The following MOB3B variants were observed in gnomAD, a reference collection of about 807,000 sequenced individuals.
MOB3B encodes the protein MOB kinase activator-like 2B.
Under a neutral mutation model 18.7 loss-of-function variants are expected in MOB3B, and 7 were observed. The ratio of observed to expected loss-of-function variants is 0.37; its 90% confidence interval spans 0.21 to 0.70. MOB3B has a LOEUF of 0.70. Ranked by LOEUF, MOB3B falls within the 30% of genes least tolerant of loss-of-function variation. The pLI, the probability that MOB3B is intolerant of heterozygous loss-of-function variation, is 0.52. For missense variants in MOB3B, 253 were observed against 281.3 expected, an observed-to-expected ratio of 0.90 and a Z score of 0.72; for synonymous variants, 111 against 99.9, an observed-to-expected ratio of 1.11 and a Z score of -0.66.
At chr9:27,468,251 T>G (rs1199030126) in intron 1 of MOB3B, among the ~76,000 whole-genome samples, 3 of 151,566 alleles carry the variant, frequency 2.0e-5, no homozygotes, top group Non-Finnish European at 4.4e-5. Context: ...CAGAACAGAG[T>G]CCCCCATCAT....
At chr9:27,360,943 A>C (rs35997490) in intron 2 of MOB3B, among the ~76,000 whole-genome samples, 1,767 of 152,226 alleles carry the variant, frequency 0.012, 41 homozygotes, top group East Asian at 0.11. Context: ...GGGCAGCCAC[A>C]TGCAGAGTTT....
chr9:27,517,908 T>A (rs925254752), intron 1 of MOB3B, among the ~76,000 whole-genome samples: 2 of 152,114 alleles, frequency 1.3e-5, no homozygotes, highest in Non-Finnish European at 2.9e-5. Flanking sequence ...CATTCCAAGC[T>A]TCTTCTCAGG....
chr9:27,442,193 T>G (rs1253720270), intron 2 of MOB3B, among the ~76,000 whole-genome samples: 1 of 152,224 alleles, frequency 6.6e-6, no homozygotes. Context: ...TTGTTAGCTG[T>G]TGCTAGATAT....
chr9:27,376,232 C>T (rs766257882), intron 2 of MOB3B, among the ~76,000 whole-genome samples: 1 of 152,210 alleles, frequency 6.6e-6, no homozygotes, highest in Non-Finnish European at 1.5e-5. Context: ...TACTTAGATG[C>T]CTCTTCTTGT....
At chr9:27,475,629 G>T (rs1819542290) in intron 1 of MOB3B, among the ~76,000 whole-genome samples, 1 of 152,162 alleles carries the variant, frequency 6.6e-6, no homozygotes, top group Non-Finnish European at 1.5e-5. Flanking sequence ...AAAGCAAATT[G>T]CAAAACAACA....
At chr9:27,492,805 G>A (rs1165662321) in intron 1 of MOB3B, among the ~76,000 whole-genome samples, 1 of 152,224 alleles carries the variant, frequency 6.6e-6, no homozygotes, top group Non-Finnish European at 1.5e-5. Context: ...GGGAGTCTGT[G>A]TGGGTACTGC....
chr9:27,359,269 C>T (rs758898962), intron 2 of MOB3B, 33 bp from the exon 3 acceptor site: 1 of 1,583,662 alleles, frequency 6.3e-7, no homozygotes. Context: ...AGAATGAAAC[C>T]ATGATGGGAT....
At chr9:27,442,446 C>G (rs78060172) in intron 2 of MOB3B, among the ~76,000 whole-genome samples, 1 of 152,228 alleles carries the variant, frequency 6.6e-6, no homozygotes, top group East Asian at 1.9e-4. Context: ...TGCCTACTTG[C>G]TCTCAGATCC....
intron 1 of MOB3B, among the ~76,000 whole-genome samples, chr9:27,485,833 TAA>T (rs893786801): frequency 3.9e-5 from 6 of 152,234 alleles, no homozygotes; most frequent in African/African-American, 1.4e-4. Context: ...CTAATGATGT[TAA>T]GTCCTGTATG....
chr9:27,464,862 G>A lies in MOB3B; in HGVS notation c.-198-9114C>T, dbSNP rs139079656. On this transcript the variant is annotated intron_variant, in intron 1 of 3. Transcript: ENST00000262244. ...TCTCGTGAGACTTATTCACTATCACGAGAATAGCATGGGAAAGACTGGCCC... is the reference window on the plus strand; with the variant it reads ...TCTCGTGAGACTTATTCACTATCACAAGAATAGCATGGGAAAGACTGGCCC... 6.9e-3 allele frequency among the ~76,000 whole-genome samples: 1,053 copies of A among 152,168 alleles called. 16 individuals carry two copies. Among genetic ancestry groups the A allele is most frequent in the Non-Finnish European group, 6.4e-3 (436 of 68,012 alleles).
intron 1 of MOB3B, among the ~76,000 whole-genome samples, chr9:27,528,956 C>A (rs1244470932): frequency 6.6e-6 from 1 of 152,188 alleles, no homozygotes; most frequent in East Asian, 1.9e-4. Flanking sequence ...AGATGTTTGA[C>A]AGTTGTTGGC....
In MOB3B at chr9:27,455,277, CT is replaced by C; in HGVS notation, c.273del (p.Gly93AlafsTer26). 6.2e-7 allele frequency: 1 copy of C among 1,614,078 alleles called. No homozygotes were observed. The highest frequency in any genetic ancestry group is 8.5e-7 in the Non-Finnish European group (1 of 1,179,994). ...CACCGATACTCATATTTGGGGCCCC[CT>C]GACATCACAGGACAGGTCCGCTCGG... ...FCTERTCPVMSGGPKYEYRWQ... is the reference protein window; with the variant it reads ...FCTERTCPVMXGGPKYEYRWQ... On this transcript the variant is annotated frameshift_variant, in exon 2 of 4. Coordinates refer to ENST00000262244, the MANE Select transcript of MOB3B (RefSeq NM_024761.5). LOFTEE classifies it high-confidence loss of function.
chr9:27,394,661 C>A (rs1359617848), intron 2 of MOB3B, among the ~76,000 whole-genome samples: 1 of 152,226 alleles, frequency 6.6e-6, no homozygotes, highest in African/African-American at 2.4e-5. Flanking sequence ...CCTACTTATG[C>A]TTCCAGCACC....
intron 2 of MOB3B, among the ~76,000 whole-genome samples, chr9:27,432,853 C>G (rs1002614450): frequency 1.3e-5 from 2 of 152,050 alleles, no homozygotes; most frequent in Non-Finnish European, 1.5e-5. Context: ...AAGGAATGCT[C>G]CAAGGATGAC....
At chr9:27,481,209 A>C (rs1819643502) in intron 1 of MOB3B, among the ~76,000 whole-genome samples, 1 of 152,244 alleles carries the variant, frequency 6.6e-6, no homozygotes, top group Non-Finnish European at 1.5e-5. Context: ...GAAGAAACAT[A>C]GAAACTGTGC....
At chr9:27,472,451 G>A (rs952640374) in intron 1 of MOB3B, among the ~76,000 whole-genome samples, 1 of 152,148 alleles carries the variant, frequency 6.6e-6, no homozygotes, top group Middle Eastern at 3.4e-3. Flanking sequence ...GACAGTACAG[G>A]AAGCCACATC....
chr9:27,433,335 C>T (rs1822445174), intron 2 of MOB3B, among the ~76,000 whole-genome samples: 1 of 152,104 alleles, frequency 6.6e-6, no homozygotes, highest in East Asian at 1.9e-4. Flanking sequence ...ATGTCTGCAC[C>T]ATGCTACAGC....
intron 2 of MOB3B, among the ~76,000 whole-genome samples, chr9:27,416,438 T>C (rs1822149377): frequency 6.6e-6 from 1 of 152,134 alleles, no homozygotes; most frequent in Non-Finnish European, 1.5e-5. Context: ...CTAGATTCCT[T>C]TGACAACCTG....
intron 1 of MOB3B, among the ~76,000 whole-genome samples, chr9:27,514,584 T>C (rs1302086909): frequency 6.6e-6 from 1 of 152,228 alleles, no homozygotes; most frequent in Admixed American, 6.5e-5. Context: ...CCTCTGTATA[T>C]ATAATAGGAA....
Sources: gnomAD v4.1 joint callset for allele counts (sites outside exome capture counted in the v4.1 genomes callset) on GRCh38, gnomAD v4.1.1 for gene constraint, MANE v1.5 for transcripts, NCBI Gene and HGNC (gene_info 2026-07-23, HGNC 2026-07-21) for gene names.